The following PPP2R5E variants were observed in gnomAD, a reference collection of about 807,000 sequenced individuals.
PPP2R5E encodes serine/threonine-protein phosphatase 2A 56 kDa regulatory subunit epsilon isoform.
A neutral mutation model predicts 65.3 loss-of-function variants in PPP2R5E; 4 were observed. The observed-to-expected ratio is 0.06, with a 90% CI of 0.03 to 0.14. PPP2R5E has a LOEUF of 0.14. Among genes scored for constraint, PPP2R5E ranks in the 10% least tolerant of loss-of-function variants. PPP2R5E has a pLI of 1.00. For synonymous variants in PPP2R5E, 183 were observed against 187.4 expected, an observed-to-expected ratio of 0.98 and a Z score of 0.19; for missense variants, 274 against 556.1, an observed-to-expected ratio of 0.49 and a Z score of 5.10.
rs528901246 is a variant in PPP2R5E, at chr14:63,457,799, T to A, written c.158-3914A>T. On this transcript the variant is annotated intron_variant, in intron 2 of 13. Transcript: ENST00000337537. Reference sequence around the variant, plus strand: ...TCAAAAGAGAGAATAATTGATCCCATTATCACAGCTTGGTAAGATCCCATA... The same window carrying A: ...TCAAAAGAGAGAATAATTGATCCCAATATCACAGCTTGGTAAGATCCCATA... Among the ~76,000 whole-genome samples the A allele has an allele frequency of 3.8e-4, 58 of 151,800 alleles. No individual in the cohort carries two copies. In the East Asian group the frequency reaches 0.011, roughly 29 times the overall value.
At chr14:63,450,952 G>A (rs910987123) in intron 3 of PPP2R5E, among the ~76,000 whole-genome samples, 4 of 152,096 alleles carry the variant, frequency 2.6e-5, no homozygotes, top group Admixed American at 2.0e-4. Flanking sequence ...TGGGGAATAC[G>A]TGAAAGTCCA....
At chr14:63,403,387 C>CAAAA (rs35226807) in intron 5 of PPP2R5E, among the ~76,000 whole-genome samples, 4 of 79,248 alleles carry the variant, frequency 5.0e-5, no homozygotes, top group Non-Finnish European at 5.7e-5. Context: ...GAGTCTGTCT[C>CAAAA]AAAAAAAAAA....
At chr14:63,483,083 T>C (rs1194796775) in intron 2 of PPP2R5E, among the ~76,000 whole-genome samples, 3 of 152,198 alleles carry the variant, frequency 2.0e-5, no homozygotes, top group Non-Finnish European at 2.9e-5. Flanking sequence ...GGCAGGCAGA[T>C]TGCTTGAGCC....
intron 2 of PPP2R5E, among the ~76,000 whole-genome samples, chr14:63,483,610 G>A (rs893214515): frequency 7.2e-5 from 11 of 152,088 alleles, no homozygotes; most frequent in Non-Finnish European, 1.0e-4. Flanking sequence ...GTTCAGATCC[G>A]AGAGCTTCCA....
intron 2 of PPP2R5E, among the ~76,000 whole-genome samples, chr14:63,510,504 G>C (rs1001531415): frequency 1.3e-5 from 2 of 152,230 alleles, no homozygotes; most frequent in South Asian, 4.1e-4. Flanking sequence ...TGGTAAGCAA[G>C]AATGTTATTT....
chr14:63,410,003 G>A (rs533876481), intron 5 of PPP2R5E, among the ~76,000 whole-genome samples: 7 of 152,106 alleles, frequency 4.6e-5, no homozygotes, highest in Non-Finnish European at 1.0e-4. Flanking sequence ...CAAACCCAAA[G>A]CTTCCTAACT....
intron 2 of PPP2R5E, among the ~76,000 whole-genome samples, chr14:63,466,268 A>C (rs964831549): frequency 2.9e-5 from 4 of 139,684 alleles, no homozygotes; most frequent in African/African-American, 1.2e-4. Flanking sequence ...AAAGTTTTAA[A>C]AATACAAAAA....
intron 2 of PPP2R5E, among the ~76,000 whole-genome samples, chr14:63,484,722 T>C (rs1420814868): frequency 6.6e-6 from 1 of 152,192 alleles, no homozygotes; most frequent in Non-Finnish European, 1.5e-5. Context: ...TCAAAGTCCT[T>C]CACACTTTCC....
intron 2 of PPP2R5E, among the ~76,000 whole-genome samples, chr14:63,473,413 G>A (rs77963151): frequency 1.3e-5 from 2 of 152,298 alleles, no homozygotes; most frequent in East Asian, 3.9e-4. Flanking sequence ...GGCAGCTAGA[G>A]ACAAGCTAAA....
At chr14:63,517,635 C>T (rs778357855) in intron 2 of PPP2R5E, among the ~76,000 whole-genome samples, 1 of 152,182 alleles carries the variant, frequency 6.6e-6, no homozygotes, top group African/African-American at 2.4e-5. Context: ...TCACCACCCA[C>T]AAAATGCAGT....
intron 4 of PPP2R5E, among the ~76,000 whole-genome samples, chr14:63,419,268 T>C (rs962803665): frequency 1.3e-5 from 2 of 152,224 alleles, no homozygotes; most frequent in African/African-American, 4.8e-5. Context: ...TTTTGTTGTT[T>C]TGACCTCCTC....
intron 3 of PPP2R5E, 68 bp from the exon 4 acceptor site, chr14:63,422,162 A>C (rs1418043232): frequency 7.8e-7 from 1 of 1,274,592 alleles, no homozygotes; most frequent in East Asian, 2.3e-5. Flanking sequence ...AGGTCCTTGG[A>C]GCCAAGCTGA....
intron 2 of PPP2R5E, among the ~76,000 whole-genome samples, chr14:63,458,823 C>T (rs1005597339): frequency 6.6e-6 from 1 of 151,906 alleles, no homozygotes; most frequent in Admixed American, 6.6e-5. Flanking sequence ...TTTATATTTC[C>T]ATTCAAAAGA....
intron 2 of PPP2R5E, among the ~76,000 whole-genome samples, chr14:63,522,529 AG>A (rs1172128323): frequency 6.9e-6 from 1 of 144,194 alleles, no homozygotes; most frequent in African/African-American, 2.6e-5. Flanking sequence ...CATCCCATCT[AG>A]GAAGTGAGGA....
intron 3 of PPP2R5E, among the ~76,000 whole-genome samples, chr14:63,432,890 A>T (rs549777136): frequency 2.6e-5 from 4 of 152,304 alleles, no homozygotes; most frequent in Admixed American, 1.3e-4. Flanking sequence ...TAAGCTGTTT[A>T]ATTCCTTTCA....
intron 2 of PPP2R5E, among the ~76,000 whole-genome samples, chr14:63,503,734 G>A (rs1321518895): frequency 1.3e-5 from 2 of 152,100 alleles, no homozygotes; most frequent in Non-Finnish European, 2.9e-5. Context: ...TTAATAACCT[G>A]TCTTCTCTTA....
chr14:63,516,681 A>C (rs1271277597), intron 2 of PPP2R5E, among the ~76,000 whole-genome samples: 1 of 152,172 alleles, frequency 6.6e-6, no homozygotes, highest in East Asian at 1.9e-4. Flanking sequence ...AGATACCAAG[A>C]TCATCACACA....
At chr14:63,452,600 A>G (rs942672484) in intron 3 of PPP2R5E, 1 of 152,222 alleles carries the variant, frequency 6.6e-6, no homozygotes, top group African/African-American at 2.4e-5. Flanking sequence ...CTAGTGCTAC[A>G]TTCCTGTAAA....
At chr14:63,379,279 C>T (rs966326166) in intron 13 of PPP2R5E, among the ~76,000 whole-genome samples, 2 of 151,958 alleles carry the variant, frequency 1.3e-5, no homozygotes, top group African/African-American at 4.8e-5. Context: ...CCGCCCGCCT[C>T]GGCCTCCCAA....
Sources: allele counts gnomAD v4.1 joint callset (sites outside exome capture counted in the v4.1 genomes callset), GRCh38; gene constraint gnomAD v4.1.1; transcripts MANE v1.5; gene names NCBI Gene and HGNC (gene_info 2026-07-23, HGNC 2026-07-21).